The following DLGAP3 variants were observed in gnomAD, a reference collection of about 807,000 sequenced individuals.
DLGAP3 encodes the protein disks large-associated protein 3.
In DLGAP3, 17 loss-of-function variants were observed where a neutral mutation model predicts 81.2. The observed-to-expected ratio is 0.21, with a 90% CI of 0.14 to 0.31. The LOEUF (loss-of-function observed/expected upper bound fraction) is 0.31, where lower values mean the gene tolerates loss of function less well. Ranked by LOEUF, DLGAP3 falls within the 10% of genes least tolerant of loss-of-function variation. The pLI is 1.00. For synonymous variants in DLGAP3, 577 were observed against 587.4 expected, an observed-to-expected ratio of 0.98 and a Z score of 0.26; for missense variants, 1,124 against 1,388.0, an observed-to-expected ratio of 0.81 and a Z score of 3.02.
intron 1 of DLGAP3, among the ~76,000 whole-genome samples, chr1:34,911,045 T>C (rs1285755992): frequency 8.3e-6 from 1 of 120,880 alleles, no homozygotes; most frequent in Non-Finnish European, 1.7e-5. Context: ...CACCTTCCAG[T>C]GTACAGAAGA....
chr1:34,924,472 G>A (rs1465071824), intron 1 of DLGAP3, among the ~76,000 whole-genome samples: 3 of 152,198 alleles, frequency 2.0e-5, no homozygotes, highest in African/African-American at 7.2e-5. Context: ...CAGTGTCCCT[G>A]TCCCAAATCC....
chr1:34,913,968 C>T (rs1306740020), intron 1 of DLGAP3, among the ~76,000 whole-genome samples: 1 of 152,160 alleles, frequency 6.6e-6, no homozygotes, highest in Non-Finnish European at 1.5e-5. Context: ...CTGCATAGCT[C>T]AGGGAAGGTC....
At chr1:34,878,749 C>A (rs957524445) in intron 8 of DLGAP3, among the ~76,000 whole-genome samples, 4 of 152,104 alleles carry the variant, frequency 2.6e-5, no homozygotes, top group Non-Finnish European at 5.9e-5. Flanking sequence ...CTTTTTGGCA[C>A]CAGGGACTAG....
rs954108554 is a variant in DLGAP3 at position 34,904,527 on chromosome 1, G to T, written c.857C>A (p.Pro286His). ...GGRPPGEPGG[P>H]FCLEGPDGSY... ...CCCATCTGGACCCTCCAGGCAGAAG[G>T]GACCACCAGGCTCCCCAGGGGGCCT... Residue 286 changes from proline to histidine, a missense_variant, in exon 3 of 12, where the codon CCC becomes CAC. Physicochemically the swap from Pro to His is moderately conservative, Grantham distance 77. Coordinates refer to ENST00000373347, the MANE Select transcript of DLGAP3 (RefSeq NM_001080418.3). This position sits in a 1 kb window ranked among gnomAD's most constrained non-coding sequence, Gnocchi z 8.1. 1.9e-6 allele frequency: 3 copies of T among 1,614,046 alleles called. No individual in the cohort carries two copies. The African/African-American group carries it at 4.0e-5, about 22-fold the overall frequency.
chr1:34,900,335 CTT>C lies in DLGAP3; in HGVS notation c.1108-64_1108-63del. The C allele has an allele frequency of 2.6e-6, 4 of 1,542,340 alleles. No homozygotes were observed. The South Asian group carries it at 3.3e-5, about 13-fold the overall frequency. On this transcript the variant is annotated intron_variant, in intron 3 of 11. Coordinates refer to ENST00000373347, the MANE Select transcript of DLGAP3 (RefSeq NM_001080418.3). This position sits in a 1 kb window ranked among gnomAD's most constrained non-coding sequence, Gnocchi z 5.6. ...CCTAGTAAATCTAGAGGCCAGGACT[CTT>C]TCCCCACTGCCAGTGGGAGATGCCC...
intron 1 of DLGAP3, among the ~76,000 whole-genome samples, chr1:34,927,767 C>T (rs1024973364): frequency 1.3e-5 from 2 of 151,176 alleles, no homozygotes; most frequent in Non-Finnish European, 2.9e-5. Flanking sequence ...GGGAATGCTG[C>T]GCAGTGGTAG....
intron 8 of DLGAP3, among the ~76,000 whole-genome samples, chr1:34,883,659 A>AGCTCACATACTTGTACACCACAG (rs1639177493): frequency 6.6e-6 from 1 of 150,974 alleles, no homozygotes; most frequent in African/African-American, 2.5e-5. Flanking sequence ...CAGCAGGTTT[A>AGCTCACATACTTGTACACCACAG]GAAGTCATGC....
At chr1:34,888,727 T>C (rs1328014950) in intron 5 of DLGAP3, among the ~76,000 whole-genome samples, 1 of 151,644 alleles carries the variant, frequency 6.6e-6, no homozygotes, top group Non-Finnish European at 1.5e-5. Flanking sequence ...AAGCCACACT[T>C]GTGTGACAGT....
At chr1:34,925,308 T>A (rs998772975) in intron 1 of DLGAP3, 1 of 152,418 alleles carries the variant, frequency 6.6e-6, no homozygotes, top group African/African-American at 2.4e-5. Flanking sequence ...TCAATGCCAC[T>A]CACAGCTGGT....
intron 8 of DLGAP3, 129 bp downstream of exon 8, chr1:34,884,849 C>T: frequency 4.0e-6 from 3 of 758,200 alleles, no homozygotes; most frequent in Middle Eastern, 2.3e-4. Context: ...TGACCACCCT[C>T]TATAAAAAGG....
At chr1:34,891,998 G>C (rs1639318368) in intron 5 of DLGAP3, among the ~76,000 whole-genome samples, 1 of 152,162 alleles carries the variant, frequency 6.6e-6, no homozygotes, top group Non-Finnish European at 1.5e-5. Flanking sequence ...TATGAAACAT[G>C]CAAATAAACA....
At chr1:34,871,419 C>A (rs1442221993) in intron 8 of DLGAP3, among the ~76,000 whole-genome samples, 2 of 152,238 alleles carry the variant, frequency 1.3e-5, no homozygotes, top group Non-Finnish European at 2.9e-5. Flanking sequence ...GCCCACAAGA[C>A]CACTCCTGAG....
intron 6 of DLGAP3, 110 bp downstream of exon 6, chr1:34,885,962 G>T: frequency 1.6e-6 from 2 of 1,249,762 alleles, no homozygotes; most frequent in Non-Finnish European, 2.2e-6. Flanking sequence ...ATCCGACCCC[G>T]GGAGCGAGCG....
At chr1:34,887,612 A>G (rs187763103) in intron 5 of DLGAP3, among the ~76,000 whole-genome samples, 8 of 152,296 alleles carry the variant, frequency 5.3e-5, no homozygotes, top group Admixed American at 5.2e-4. Flanking sequence ...CACAGGTGAC[A>G]AAGTCCTGAA....
At position 34,885,649 on chromosome 1, in the gene DLGAP3, G is replaced by A. The variant is rs1405571102; in HGVS notation, c.1743C>T (p.Ser581=). Residue 581 remains serine, a synonymous_variant, in exon 7 of 12, where the codon TCC becomes TCT. Coordinates refer to ENST00000373347, the MANE Select transcript of DLGAP3 (RefSeq NM_001080418.3). ...AAEGPARRCS[S]ADGLDGPAMG... is the part of the protein sequence containing the mutation. ...TGGCGGGGCCGTCCAGCCCGTCGGC[G>A]GAGCTGCAGCGCCGGGCGGGGCCCT... is the stretch of plus-strand genomic sequence containing the variant. The A allele has an allele frequency of 2.1e-6, 3 of 1,455,386 alleles. No homozygotes were observed. Among genetic ancestry groups the A allele is most frequent in the Admixed American group, 2.7e-5 (1 of 36,958 alleles). The allele number at this position is 1,455,386 out of a possible 1,614,324, so 90.2% of individuals were successfully genotyped here. A position where few individuals can be genotyped will look rare whatever the true frequency, so the allele number is the denominator to read the frequency against.
chr1:34,911,032 C>CCG (rs58538432), intron 1 of DLGAP3, among the ~76,000 whole-genome samples: 12 of 145,174 alleles, frequency 8.3e-5, no homozygotes, highest in African/African-American at 2.8e-4. Context: ...ACCCCCCCCC[C>CCG]ACCACCTTCC....
intron 1 of DLGAP3, among the ~76,000 whole-genome samples, chr1:34,924,386 C>T: frequency 6.6e-6 from 1 of 152,148 alleles, no homozygotes; most frequent in East Asian, 1.9e-4. Context: ...TCCTCCCCAA[C>T]AAAAGTCTCT....
Position 34,867,617 on chromosome 1 carries a change from C to T in DLGAP3, c.2496G>A (p.Lys832=), listed in dbSNP as rs763014828. The change falls in exon 10 of 12, where the codon AAG becomes AAA. Residue 832 remains lysine, a synonymous_variant. Coordinates refer to ENST00000373347, the MANE Select transcript of DLGAP3 (RefSeq NM_001080418.3). This position sits in a 1 kb window ranked among gnomAD's most constrained non-coding sequence, Gnocchi z 4.3. ...GTGTGCTGCCCACAGCACTGCGGATCTTCTCCAGGACTAGAAAGCAGAAGG... is the reference window on the plus strand; with the variant it reads ...GTGTGCTGCCCACAGCACTGCGGATTTTCTCCAGGACTAGAAAGCAGAAGG... ...DYELPEEILE[K]IRSAVGSTQL... 6.2e-7 allele frequency: 1 copy of T among 1,612,890 alleles called. No homozygotes were observed. The highest frequency in any genetic ancestry group is 8.5e-7 in the Non-Finnish European group (1 of 1,178,892).
Position 34,869,012 on chromosome 1 carries a change from A to G in DLGAP3, c.2078T>C (p.Leu693Pro). 1 of 1,604,118 alleles carries G rather than the reference A, an allele frequency of 6.2e-7. No homozygotes were observed. The change falls in exon 9 of 12, where the codon CTG becomes CCG. Residue 693 changes from leucine (L) to proline (P), a missense_variant. Around this residue, in one of 9 missense-constraint regions of DLGAP3, gnomAD observed 379 missense variants for 455.7 expected, o/e 0.83. Transcript: ENST00000373347. Reference protein sequence around the residue: ...ADLELEGLAGLATVATEDKAL... With the variant: ...ADLELEGLAGPATVATEDKAL... ...CTTGTCTTCTGTGGCCACCGTGGCC[A>G]GGCCTGCCAGGCCCTCCAGCTCCAG...
Sources: allele counts gnomAD v4.1 joint callset (sites outside exome capture counted in the v4.1 genomes callset), GRCh38; gene constraint gnomAD v4.1.1; regional missense constraint gnomAD v4.1.1; non-coding constraint Gnocchi (gnomAD v3.1); transcripts MANE v1.5; gene names NCBI Gene and HGNC (gene_info 2026-07-23, HGNC 2026-07-21).